The following CCDC91 variants were observed in gnomAD, a reference collection of about 807,000 sequenced individuals.
The protein encoded by CCDC91 is coiled-coil domain-containing protein 91.
A neutral mutation model predicts 63.2 loss-of-function variants in CCDC91; 48 were observed. The observed-to-expected ratio is 0.76, with a 90% CI of 0.60 to 0.97. The LOEUF is 0.97. CCDC91 is among the 50% of genes least tolerant of loss of function. The pLI is 0.00. For synonymous variants in CCDC91, 167 were observed against 165.8 expected, an observed-to-expected ratio of 1.01 and a Z score of -0.06; for missense variants, 500 against 494.6, an observed-to-expected ratio of 1.01 and a Z score of -0.10.
At position 28,362,475 on chromosome 12, in the gene CCDC91, C is replaced by A; in HGVS notation, c.614C>A (p.Ala205Asp). The change falls in exon 7 of 13, where the codon GCT (alanine) becomes GAT (aspartate). Residue 205 changes from alanine to aspartate, a missense_variant. Physicochemically the swap from Ala to Asp is moderately radical, Grantham distance 126. Coordinates refer to ENST00000536442, the MANE Select transcript of CCDC91 (RefSeq NM_018318.5). Reference sequence around the variant, plus strand: ...CAAGAATTGGAAGACATGAGGAAAGCTGGTCACGAAGCCCTCAGCATTATT... The same window carrying A: ...CAAGAATTGGAAGACATGAGGAAAGATGGTCACGAAGCCCTCAGCATTATT... ...HKQELEDMRK[A>D]GHEALSIIVD... 1 of 1,598,736 alleles carries A rather than the reference C, an allele frequency of 6.3e-7. No individual in the cohort carries two copies. The highest frequency in any genetic ancestry group is 8.5e-7 in the Non-Finnish European group (1 of 1,172,156).
intron 3 of CCDC91, among the ~76,000 whole-genome samples, chr12:28,303,257 A>G (rs1938278494): frequency 6.6e-6 from 1 of 152,140 alleles, no homozygotes; most frequent in African/African-American, 2.4e-5. Context: ...GAACTGTTGA[A>G]GAATTTTTGT....
intron 7 of CCDC91, among the ~76,000 whole-genome samples, chr12:28,367,937 A>T (rs1010461452): frequency 2.0e-5 from 3 of 152,212 alleles, no homozygotes; most frequent in Non-Finnish European, 4.4e-5. Flanking sequence ...TTCTGCCAAT[A>T]GACTGCCTTT....
chr12:28,494,739 T>C (rs1292254640), intron 12 of CCDC91, among the ~76,000 whole-genome samples: 5 of 151,730 alleles, frequency 3.3e-5, no homozygotes, highest in Admixed American at 3.3e-4. Context: ...ACAGCTGTTA[T>C]AGGTGTTCTC....
At chr12:28,369,956 A>G (rs910337202) in intron 7 of CCDC91, among the ~76,000 whole-genome samples, 2 of 152,120 alleles carry the variant, frequency 1.3e-5, no homozygotes, top group Non-Finnish European at 1.5e-5. Context: ...ATCCCACACA[A>G]CCATTTTTCC....
At position 28,488,485 on chromosome 12, in the gene CCDC91, T is replaced by C. The variant is rs527294360; in HGVS notation, c.1215+4320T>C. 1.9e-4 allele frequency among the ~76,000 whole-genome samples: 29 copies of C among 151,964 alleles called. 1 individual carries two copies. Among genetic ancestry groups the C allele is most frequent in the African/African-American group, 5.5e-4 (23 of 41,538 alleles). ...ATTTAAATCAATGATGAATTAGTTT[T>C]AGTAATAAAAATGCCTTTTTATAAG... On this transcript the variant is annotated intron_variant, in intron 12 of 12. Coordinates refer to ENST00000536442, the MANE Select transcript of CCDC91 (RefSeq NM_018318.5).
At chr12:28,305,538 C>G in intron 3 of CCDC91, 111 bp from the exon 4 acceptor site, 1 of 909,720 alleles carries the variant, frequency 1.1e-6, no homozygotes. Flanking sequence ...TTTTACTTTC[C>G]TTACTTTTTT....
chr12:28,367,522 T>C (rs1944351473), intron 7 of CCDC91, among the ~76,000 whole-genome samples: 1 of 152,196 alleles, frequency 6.6e-6, no homozygotes, highest in South Asian at 2.1e-4. Flanking sequence ...CTAAAATTTA[T>C]GTTATCCAAT....
chr12:28,410,567 G>A (rs1947253673), intron 8 of CCDC91, among the ~76,000 whole-genome samples: 1 of 152,116 alleles, frequency 6.6e-6, no homozygotes, highest in African/African-American at 2.4e-5. Context: ...TGTCAGCCAG[G>A]CTGGAGTGCA....
chr12:28,303,681 T>C (rs1466281650), intron 3 of CCDC91, among the ~76,000 whole-genome samples: 1 of 152,136 alleles, frequency 6.6e-6, no homozygotes. Context: ...TATCAACACT[T>C]TACTAAATGC....
chr12:28,434,996 A>G (rs1369898333), intron 8 of CCDC91, among the ~76,000 whole-genome samples: 4 of 151,564 alleles, frequency 2.6e-5, no homozygotes, highest in Non-Finnish European at 4.4e-5. Flanking sequence ...TTTACTTCCA[A>G]CATTAGCAAT....
chr12:28,199,537 T>C (rs1353294247), intron 1 of CCDC91, among the ~76,000 whole-genome samples: 5 of 152,206 alleles, frequency 3.3e-5, no homozygotes, highest in Non-Finnish European at 7.3e-5. Context: ...TCTTTACCAG[T>C]GTTCTTAATT....
intron 6 of CCDC91, among the ~76,000 whole-genome samples, chr12:28,341,785 G>T (rs1237501387): frequency 6.6e-6 from 1 of 152,168 alleles, no homozygotes; most frequent in Non-Finnish European, 1.5e-5. Context: ...AGAATGCGTG[G>T]CTAGTGGGTT....
chr12:28,549,195 CT>C lies in CCDC91; in HGVS notation c.*23del. 1 of 1,283,354 alleles carries C rather than the reference CT, an allele frequency of 7.8e-7. No individual in the cohort carries two copies. Among genetic ancestry groups the C allele is most frequent in the South Asian group, 1.2e-5 (1 of 83,908 alleles). The allele number at this position is 1,283,354 out of a possible 1,614,324, so 79.5% of individuals were successfully genotyped here. On this transcript the variant is annotated 3_prime_UTR_variant, in exon 13 of 13. Transcript: ENST00000536442. The stretch of plus-strand genomic sequence containing the variant: ...ATAAAAAGAACATGACAAACCCACA[CT>C]GGCATTGGATAAATCATATTACACC...
intron 6 of CCDC91, among the ~76,000 whole-genome samples, chr12:28,349,925 C>T (rs1943068194): frequency 6.6e-6 from 1 of 152,146 alleles, no homozygotes; most frequent in Admixed American, 6.5e-5. Flanking sequence ...AGGCAATCAT[C>T]CTGCTCTTAG....
intron 8 of CCDC91, among the ~76,000 whole-genome samples, chr12:28,421,956 TC>T (rs1948039946): frequency 6.6e-6 from 1 of 152,084 alleles, no homozygotes; most frequent in Non-Finnish European, 1.5e-5. Context: ...TTGTAAGGAG[TC>T]TTGAGTACTT....
intron 12 of CCDC91, among the ~76,000 whole-genome samples, chr12:28,524,517 GT>G (rs1247792144): frequency 6.6e-6 from 1 of 151,966 alleles, no homozygotes; most frequent in African/African-American, 2.4e-5. Context: ...TTTTGTTGAG[GT>G]TTTTTGCATA....
intron 3 of CCDC91, among the ~76,000 whole-genome samples, chr12:28,275,200 C>G (rs1302665196): frequency 6.6e-6 from 1 of 151,770 alleles, no homozygotes; most frequent in Non-Finnish European, 1.5e-5. Context: ...TTGAAAAGAT[C>G]AACAAAATTG....
chr12:28,519,177 G>A (rs11049689), intron 12 of CCDC91, among the ~76,000 whole-genome samples: 31,235 of 151,950 alleles, frequency 0.21, 4,210 homozygotes, highest in Non-Finnish European at 0.3. Flanking sequence ...GTCCATCCAT[G>A]CGCATGGAAT....
intron 6 of CCDC91, among the ~76,000 whole-genome samples, chr12:28,327,076 C>T (rs866249073): frequency 9.9e-5 from 15 of 152,170 alleles, no homozygotes; most frequent in African/African-American, 3.1e-4. Context: ...AAAACCGGAG[C>T]GCTACCTTTT....
Sources: allele counts gnomAD v4.1 joint callset (sites outside exome capture counted in the v4.1 genomes callset), GRCh38; gene constraint gnomAD v4.1.1; transcripts MANE v1.5; gene names NCBI Gene and HGNC (gene_info 2026-07-23, HGNC 2026-07-21).